Variants in RUNX1 observed in about 807,000 individuals in gnomAD.
RUNX1 encodes runt-related transcription factor 1.
Under a neutral mutation model 42.8 loss-of-function variants are expected in RUNX1, and 19 were observed. That is an observed-to-expected ratio of 0.44 (90% CI 0.31 to 0.65). The LOEUF (loss-of-function observed/expected upper bound fraction) is 0.65, where lower values mean the gene tolerates loss of function less well. Ranked by LOEUF, RUNX1 falls within the 30% of genes least tolerant of loss-of-function variation. The pLI, the probability that RUNX1 is intolerant of heterozygous loss-of-function variation, is 0.07. For synonymous variants in RUNX1, 271 were observed against 289.4 expected, an observed-to-expected ratio of 0.94 and a Z score of 0.64; for missense variants, 528 against 672.0, an observed-to-expected ratio of 0.79 and a Z score of 2.37.
chr21:34,794,933 C>T (rs558722636), intron 8 of RUNX1, among the ~76,000 whole-genome samples: 16 of 152,164 alleles, frequency 1.1e-4, no homozygotes, highest in African/African-American at 3.9e-4. Flanking sequence ...GGTGGGGTGA[C>T]GGAAGCAAAG....
At chr21:34,970,065 C>T (rs552642180) in intron 2 of RUNX1, among the ~76,000 whole-genome samples, 1 of 152,344 alleles carries the variant, frequency 6.6e-6, no homozygotes, top group South Asian at 2.1e-4. Context: ...GAGATAATTA[C>T]TTTATGAACA....
At chr21:34,856,117 T>C (rs1441396764) in intron 6 of RUNX1, among the ~76,000 whole-genome samples, 1 of 152,154 alleles carries the variant, frequency 6.6e-6, no homozygotes, top group African/African-American at 2.4e-5. Context: ...GCTTCACCAC[T>C]GAAAACCCTG....
At chr21:34,890,291 C>G (rs1601537657) in intron 3 of RUNX1, among the ~76,000 whole-genome samples, 2 of 152,284 alleles carry the variant, frequency 1.3e-5, no homozygotes, top group East Asian at 3.9e-4. Flanking sequence ...GGCTGTGCGG[C>G]CCGCCTCGTG....
At chr21:34,821,162 A>C in intron 7 of RUNX1, 1 of 951,848 alleles carries the variant, frequency 1.1e-6, no homozygotes, top group Non-Finnish European at 1.3e-6. Flanking sequence ...CTCCCGAGGA[A>C]TAAGGAGACA....
chr21:35,047,557 A>ACTCTCTCT (rs2059407769), intron 2 of RUNX1, among the ~76,000 whole-genome samples: 7 of 75,816 alleles, frequency 9.2e-5, no homozygotes, highest in African/African-American at 4.1e-4. Flanking sequence ...ACACACACAC[A>ACTCTCTCT]CACACTCTCT....
At chr21:34,816,961 C>T (rs998174405) in intron 7 of RUNX1, among the ~76,000 whole-genome samples, 1 of 152,196 alleles carries the variant, frequency 6.6e-6, no homozygotes, top group Non-Finnish European at 1.5e-5. Context: ...GTTCCATGGT[C>T]TCCATAGGTA....
chr21:34,966,238 A>G (rs2058717339), intron 2 of RUNX1, among the ~76,000 whole-genome samples: 2 of 152,238 alleles, frequency 1.3e-5, no homozygotes, highest in African/African-American at 4.8e-5. Flanking sequence ...ATCTAAGTCC[A>G]AACGTTGTTC....
intron 2 of RUNX1, among the ~76,000 whole-genome samples, chr21:34,910,632 T>TC (rs375532110): frequency 3.0e-4 from 45 of 152,238 alleles, no homozygotes; most frequent in African/African-American, 8.4e-4. Context: ...CTGGACAGGG[T>TC]CCAGGTGCTG....
intron 2 of RUNX1, among the ~76,000 whole-genome samples, chr21:35,026,119 T>G (rs1016724160): frequency 9.8e-5 from 15 of 152,332 alleles, no homozygotes; most frequent in Middle Eastern, 3.4e-3. Flanking sequence ...ATGTCCTTTT[T>G]AGGAGTGCTT....
At chr21:35,046,773 C>T (rs2059398956) in intron 2 of RUNX1, among the ~76,000 whole-genome samples, 1 of 152,092 alleles carries the variant, frequency 6.6e-6, no homozygotes, top group African/African-American at 2.4e-5. Context: ...CATCAAATCT[C>T]AATATTATAT....
chr21:34,886,342 G>A (rs2057986705), intron 4 of RUNX1, among the ~76,000 whole-genome samples: 1 of 152,124 alleles, frequency 6.6e-6, no homozygotes, highest in South Asian at 2.1e-4. Context: ...GGCGGTTAGA[G>A]AAGGGGAAAA....
intron 5 of RUNX1, among the ~76,000 whole-genome samples, chr21:34,874,630 A>AAAAAAAAAAAAAC (rs1569074693): frequency 6.8e-6 from 1 of 147,838 alleles, no homozygotes. Context: ...AAAAAAAAAA[A>AAAAAAAAAAAAAC]AAAAAGACAG....
chr21:34,860,703 A>C (rs2057561916), intron 5 of RUNX1, among the ~76,000 whole-genome samples: 1 of 152,240 alleles, frequency 6.6e-6, no homozygotes, highest in Non-Finnish European at 1.5e-5. Context: ...GCATAAAGTA[A>C]ATCAAAGACA....
chr21:34,834,321 G>A, intron 7 of RUNX1, 89 bp downstream of exon 7: 1 of 1,330,254 alleles, frequency 7.5e-7, no homozygotes, highest in Non-Finnish European at 1.1e-6. Flanking sequence ...ACCCCAGTTG[G>A]TCTGGGAAGG....
At chr21:34,994,059 C>T (rs531502358) in intron 2 of RUNX1, among the ~76,000 whole-genome samples, 7 of 152,114 alleles carry the variant, frequency 4.6e-5, no homozygotes, top group Non-Finnish European at 8.8e-5. Context: ...TCAAAAGCCC[C>T]GTTAGCAACA....
chr21:34,884,757 A>G lies in RUNX1; in HGVS notation c.351+2086T>C, dbSNP rs745811436. Among the ~76,000 whole-genome samples the G allele has an allele frequency of 3.9e-5, 6 of 152,234 alleles. No homozygotes were observed. In the South Asian group the frequency reaches 1.2e-3, roughly 32 times the overall value. ...TTTTTATGAGGATTGGGGTGGTGACAGACAATAATCAAATGGTCTGATTTC... is the reference window on the plus strand; with the variant it reads ...TTTTTATGAGGATTGGGGTGGTGACGGACAATAATCAAATGGTCTGATTTC... On this transcript the variant is annotated intron_variant, in intron 4 of 8. Transcript: ENST00000675419.
rs2146412555 is a variant in RUNX1 at position 34,887,001 on chromosome 21, C to G, written c.193G>C (p.Ala65Pro). 1 of 1,603,750 alleles carries G rather than the reference C, an allele frequency of 6.2e-7. No individual in the cohort carries two copies. Among genetic ancestry groups the G allele is most frequent in the Non-Finnish European group, 8.5e-7 (1 of 1,177,738 alleles). Residue 65 changes from alanine to proline, a missense_variant, in exon 4 of 9, where the codon GCT (alanine) becomes CCT (proline). Ala to Pro is a conservative substitution (Grantham distance 27). Around this residue, in one of 3 missense-constraint regions of RUNX1, gnomAD observed 114 missense variants for 115.0 expected, o/e 0.99. Transcript: ENST00000675419. ...CTCCTCAGCTTGCCGGCCAGGGCAG[C>G]GCCGGCGTCCGGGGCGCCCAGCGGC... ...ALPLGAPDAG[A>P]ALAGKLRSGD...
rs545554349 is a variant in RUNX1 at position 34,799,316 on chromosome 21, A to G, written c.952T>C (p.Ser318Pro). ...AGTGGCTTACTTGAGAGTCGACTGG[A>G]AAGTTCTGCAGAGAGGGTTGTCATG... ...SGMTTLSAEL[S>P]SRLSTAPDLT... The change falls in exon 8 of 9, where the codon TCC becomes CCC. Residue 318 changes from serine to proline, a missense_variant. Ser to Pro is a moderately conservative substitution (Grantham distance 74). Transcript: ENST00000675419. The G allele has an allele frequency of 1.2e-6, 2 of 1,614,194 alleles. No homozygotes were observed. Among genetic ancestry groups the G allele is most frequent in the Non-Finnish European group, 8.5e-7 (1 of 1,180,026 alleles).
At chr21:34,876,567 A>AT (rs747777918) in intron 5 of RUNX1, among the ~76,000 whole-genome samples, 388 of 148,374 alleles carry the variant, frequency 2.6e-3, no homozygotes, top group Admixed American at 4.2e-3. Context: ...GAACACGTGC[A>AT]TTTTTTTTTT....
Sources: allele counts gnomAD v4.1 joint callset (sites outside exome capture counted in the v4.1 genomes callset), GRCh38; gene constraint gnomAD v4.1.1; regional missense constraint gnomAD v4.1.1; transcripts MANE v1.5; gene names NCBI Gene and HGNC (gene_info 2026-07-23, HGNC 2026-07-21).